Variants in USP36 observed in about 807,000 individuals in gnomAD.
The protein encoded by USP36 is ubiquitin carboxyl-terminal hydrolase 36.
In USP36, 59 loss-of-function variants were observed where a neutral mutation model predicts 111.5. The observed-to-expected ratio is 0.53, with a 90% CI of 0.43 to 0.66. The LOEUF is 0.66. Among genes scored for constraint, USP36 ranks in the 30% least tolerant of loss-of-function variants. USP36 has a pLI of 0.00. For synonymous variants in USP36, 628 were observed against 581.0 expected, an observed-to-expected ratio of 1.08 and a Z score of -1.16; for missense variants, 1,488 against 1,468.0, an observed-to-expected ratio of 1.01 and a Z score of -0.22.
chr17:78,818,847 C>T (rs2094250053), intron 9 of USP36, 69 bp from the exon 10 acceptor site: 1 of 1,526,978 alleles, frequency 6.5e-7, no homozygotes, highest in East Asian at 2.3e-5. Context: ...TGTCTTAACG[C>T]TAAGTTAATA....
chr17:78,789,407 T>C (rs1308870559), intron 3 of USP36, among the ~76,000 whole-genome samples: 1 of 151,484 alleles, frequency 6.6e-6, no homozygotes, highest in East Asian at 1.9e-4. Flanking sequence ...TAATTCAGGG[T>C]TCTTCAAAAA....
intron 17 of USP36, among the ~76,000 whole-genome samples, chr17:78,800,969 A>ATTTTTTTTTTTTTTT (rs746497209): frequency 1.0e-5 from 1 of 97,194 alleles, no homozygotes; most frequent in Non-Finnish European, 2.0e-5. Flanking sequence ...TTAGGGCAGT[A>ATTTTTTTTTTTTTTT]TTTTTTTTTT....
intron 10 of USP36, among the ~76,000 whole-genome samples, chr17:78,815,650 A>G (rs1476850591): frequency 6.6e-6 from 1 of 152,246 alleles, no homozygotes; most frequent in Non-Finnish European, 1.5e-5. Flanking sequence ...CTTTTAATCA[A>G]CTGGATCAGA....
At position 78,806,290 on chromosome 17, in the gene USP36, C is replaced by T; in HGVS notation, c.2086-4G>A. ...TCGCCCTCCACAGGGTGCTGGCCTG[C>T]AGTTATCGACATAAATAAAAACTTG... is the stretch of plus-strand genomic sequence containing the variant. On this transcript the variant is annotated splice_region_variant and splice_polypyrimidine_tract_variant and intron_variant, in intron 14 of 20. Coordinates refer to ENST00000449938, the MANE Select transcript of USP36 (RefSeq NM_001385174.1). The T allele has an allele frequency of 1.9e-6, 3 of 1,613,178 alleles. No individual in the cohort carries two copies. The highest frequency in any genetic ancestry group is 2.5e-6 in the Non-Finnish European group (3 of 1,179,840).
intron 13 of USP36, among the ~76,000 whole-genome samples, chr17:78,809,538 A>G (rs990297856): frequency 6.6e-6 from 1 of 152,172 alleles, no homozygotes; most frequent in African/African-American, 2.4e-5. Context: ...GCGCCCCTGC[A>G]GGTGTGCCTG....
chr17:78,827,834 A>G (rs1297821605), intron 5 of USP36, among the ~76,000 whole-genome samples: 1 of 152,184 alleles, frequency 6.6e-6, no homozygotes, highest in Non-Finnish European at 1.5e-5. Flanking sequence ...GGTTGAGCCT[A>G]GGAGGTTGAG....
At chr17:78,811,823 G>C (rs1430568448) in intron 13 of USP36, among the ~76,000 whole-genome samples, 1 of 152,020 alleles carries the variant, frequency 6.6e-6, no homozygotes, top group Non-Finnish European at 1.5e-5. Context: ...AGCCAAGGTT[G>C]CGCCACTGCA....
intron 14 of USP36, among the ~76,000 whole-genome samples, chr17:78,806,620 C>G (rs1416693770): frequency 1.3e-5 from 2 of 152,218 alleles, no homozygotes; most frequent in Non-Finnish European, 2.9e-5. Context: ...GCCCGCCCCA[C>G]CCCTGCTAGG....
In USP36 at chr17:78,812,921, A is replaced by C. The variant is rs764116222; in HGVS notation, c.1346T>G (p.Ile449Ser). ...SSSLPGRPSV[I>S]PDHSKKNIGN... ...GATGTTCTTCTTGGAGTGATCTGGA[A>C]TCACACTCGGGCGGCCGGGAAGGGA... The change falls in exon 13 of 21, where the codon ATT becomes AGT. Residue 449 changes from isoleucine to serine, a missense_variant. This residue lies in a region of USP36 where 1,073 missense variants were observed against 994.1 expected (regional missense o/e 1.08). Coordinates refer to ENST00000449938, the MANE Select transcript of USP36 (RefSeq NM_001385174.1). 6.2e-6 allele frequency: 10 copies of C among 1,613,890 alleles called. 2 individuals carry two copies. The South Asian group carries it at 1.1e-4, about 18-fold the overall frequency.
At chr17:78,804,035 T>G (rs1194382033) in intron 15 of USP36, 57 bp from the exon 16 acceptor site, 2 of 1,341,102 alleles carry the variant, frequency 1.5e-6, no homozygotes, top group African/African-American at 2.9e-5. Flanking sequence ...AGCAGAGCTG[T>G]TCCTTCTGTC....
intron 13 of USP36, among the ~76,000 whole-genome samples, chr17:78,810,754 G>A (rs2094029171): frequency 6.6e-6 from 1 of 152,118 alleles, no homozygotes; most frequent in Non-Finnish European, 1.5e-5. Flanking sequence ...GACTGTGAAA[G>A]GCCCTGACTG....
chr17:78,806,820 C>A, intron 14 of USP36, 139 bp downstream of exon 14: 1 of 1,235,168 alleles, frequency 8.1e-7, no homozygotes, highest in Non-Finnish European at 1.1e-6. Context: ...TGGCTGGGAA[C>A]GACTAAAAGA....
chr17:78,818,952 G>A (rs2094252942), intron 9 of USP36, 174 bp from the exon 10 acceptor site: 1 of 589,700 alleles, frequency 1.7e-6, no homozygotes, highest in Non-Finnish European at 2.9e-6. Flanking sequence ...CTCAAGTAAA[G>A]GAAAGCTACC....
chr17:78,789,922 G>A (rs1465635371), intron 3 of USP36, among the ~76,000 whole-genome samples: 1 of 152,230 alleles, frequency 6.6e-6, no homozygotes, highest in African/African-American at 2.4e-5. Flanking sequence ...TTTGATGGAC[G>A]GTGGGCTGGC....
At chr17:78,808,635 T>C (rs1467380262) in intron 13 of USP36, among the ~76,000 whole-genome samples, 1 of 152,230 alleles carries the variant, frequency 6.6e-6, no homozygotes, top group African/African-American at 2.4e-5. Context: ...ATAAGCTATA[T>C]TGTCTCCAAC....
intron 6 of USP36, 139 bp from the exon 7 acceptor site, chr17:78,822,143 C>T (rs1452468589): frequency 3.2e-6 from 3 of 938,628 alleles, no homozygotes; most frequent in East Asian, 2.6e-5. Context: ...CGAGTCACCA[C>T]AGACCCTTAA....
At chr17:78,823,987 G>A (rs2067304855) in intron 6 of USP36, among the ~76,000 whole-genome samples, 1 of 152,222 alleles carries the variant, frequency 6.6e-6, no homozygotes, top group Non-Finnish European at 1.5e-5. Flanking sequence ...CTCATGGGAT[G>A]CAAACTAGCT....
chr17:78,791,205 G>GCTCACCC (rs2093581231), downstream of USP36, among the ~76,000 whole-genome samples: 1 of 149,690 alleles, frequency 6.7e-6, no homozygotes, highest in Non-Finnish European at 1.5e-5. Context: ...TGCGATCTCG[G>GCTCACCC]CTCACCGCAA....
Position 78,814,430 on chromosome 17 carries a change from G to A in USP36, c.1146C>T (p.His382=). The change falls in exon 11 of 21, where the codon CAC becomes CAT. Residue 382 remains histidine (H), a synonymous_variant. Transcript: ENST00000449938. The part of the protein sequence containing the change: ...VHSGYSCHAG[H]YYCYVKASNG... ...CTCTCACCTTCACGTAGCAGTAATA[G>A]TGCCCGGCATGGCAGCTGTAGCCCG... 1 of 1,614,134 alleles carries A rather than the reference G, an allele frequency of 6.2e-7. No homozygotes were observed. Among genetic ancestry groups the A allele is most frequent in the African/African-American group, 1.3e-5 (1 of 75,048 alleles).
Sources: allele counts gnomAD v4.1 joint callset (sites outside exome capture counted in the v4.1 genomes callset), GRCh38; gene constraint gnomAD v4.1.1; regional missense constraint gnomAD v4.1.1; transcripts MANE v1.5; gene names NCBI Gene and HGNC (gene_info 2026-07-23, HGNC 2026-07-21).